Variants in KAZN observed in about 807,000 individuals in gnomAD.
KAZN encodes the protein kazrin, periplakin interacting protein, also known as kazrin.
KAZN carries 40 observed loss-of-function variants against 87.4 expected under a neutral mutation model. The observed-to-expected ratio is 0.46, with a 90% CI of 0.36 to 0.60. The LOEUF (loss-of-function observed/expected upper bound fraction) is 0.60. Ranked by LOEUF, KAZN falls within the 20% of genes least tolerant of loss-of-function variation. The probability of loss-of-function intolerance (pLI) is 0.00; values close to 1 mark genes in which losing one functional copy is unlikely to be tolerated. For missense variants in KAZN, 898 were observed against 1,073.9 expected, an observed-to-expected ratio of 0.84 and a Z score of 2.29; for synonymous variants, 466 against 458.3, an observed-to-expected ratio of 1.02 and a Z score of -0.22.
chr1:14,913,215 C>T (rs1313468267), intron 1 of KAZN, among the ~76,000 whole-genome samples: 1 of 152,146 alleles, frequency 6.6e-6, no homozygotes, highest in African/African-American at 2.4e-5. Flanking sequence ...CACCCAGCGG[C>T]TCTTGGGGTT....
At chr1:14,800,561 T>C (rs1045703471) in intron 1 of KAZN, among the ~76,000 whole-genome samples, 3 of 151,992 alleles carry the variant, frequency 2.0e-5, no homozygotes, top group Non-Finnish European at 4.4e-5. Context: ...AAAATTAGCT[T>C]GGTGTGGTGG....
chr1:14,739,926 A>G (rs554088497), intron 1 of KAZN, among the ~76,000 whole-genome samples: 2 of 152,298 alleles, frequency 1.3e-5, no homozygotes, highest in South Asian at 4.1e-4. Flanking sequence ...ATTCAGAGCA[A>G]TTCTTCAGTG....
chr1:14,371,773 A>T (rs1660502434), intron 2 of KAZN, among the ~76,000 whole-genome samples: 1 of 152,192 alleles, frequency 6.6e-6, no homozygotes, highest in South Asian at 2.1e-4. Context: ...CTTGCCCTCC[A>T]AAGAAACCAC....
chr1:13,920,418 G>A (rs1640020974), intron 1 of KAZN, among the ~76,000 whole-genome samples: 2 of 152,108 alleles, frequency 1.3e-5, no homozygotes, highest in Non-Finnish European at 2.9e-5. Context: ...GGGGTATCAG[G>A]TTTACTATTC....
intron 2 of KAZN, among the ~76,000 whole-genome samples, chr1:14,452,435 T>C (rs2148333540): frequency 6.6e-6 from 1 of 152,330 alleles, no homozygotes; most frequent in East Asian, 1.9e-4. Context: ...TTGGTTTTGC[T>C]TTTATCCAAG....
At chr1:14,217,783 T>TAGGCATCC (rs1418709165) in intron 2 of KAZN, among the ~76,000 whole-genome samples, 2 of 152,096 alleles carry the variant, frequency 1.3e-5, no homozygotes, top group African/African-American at 2.4e-5. Context: ...AACAAAAATT[T>TAGGCATCC]AGGCATCCAG....
At chr1:13,996,970 C>G (rs1304720957) in intron 1 of KAZN, among the ~76,000 whole-genome samples, 1 of 152,162 alleles carries the variant, frequency 6.6e-6, no homozygotes, top group Non-Finnish European at 1.5e-5. Flanking sequence ...CAGGTTGGTG[C>G]CCCTCGAGGT....
intron 2 of KAZN, among the ~76,000 whole-genome samples, chr1:14,412,596 A>G (rs1390954105): frequency 4.6e-5 from 7 of 152,166 alleles, no homozygotes; most frequent in Non-Finnish European, 1.0e-4. Flanking sequence ...ATGAAACTTT[A>G]TTAAAATACA....
intron 1 of KAZN, among the ~76,000 whole-genome samples, chr1:14,821,252 G>T (rs116584374): frequency 6.6e-6 from 1 of 152,046 alleles, no homozygotes; most frequent in African/African-American, 2.4e-5. Flanking sequence ...GGTAATTACC[G>T]CCTGTAATCC....
At chr1:13,986,322 G>C (rs552117390) in intron 1 of KAZN, among the ~76,000 whole-genome samples, 42 of 152,276 alleles carry the variant, frequency 2.8e-4, no homozygotes, top group African/African-American at 1.0e-3. Context: ...TTTTTGGTTT[G>C]ATGAGATTGG....
intron 1 of KAZN, among the ~76,000 whole-genome samples, chr1:14,007,771 C>T (rs893076485): frequency 1.1e-4 from 17 of 152,158 alleles, no homozygotes; most frequent in Non-Finnish European, 1.9e-4. Context: ...AAATAAAACA[C>T]GTGTTCTACT....
At chr1:14,815,177 G>T (rs1646525857) in intron 1 of KAZN, among the ~76,000 whole-genome samples, 1 of 152,162 alleles carries the variant, frequency 6.6e-6, no homozygotes, top group Non-Finnish European at 1.5e-5. Flanking sequence ...GGTCTATGTG[G>T]GTCACTGGGA....
Position 15,114,656 on chromosome 1 carries a change from A to G in KAZN, c.*21A>G. 3 of 1,564,150 alleles carry G rather than the reference A, an allele frequency of 1.9e-6. No individual in the cohort carries two copies. Among genetic ancestry groups the G allele is most frequent in the Non-Finnish European group, 2.6e-6 (3 of 1,153,934 alleles). ...TGTAAGGAACTGGTGGCTCCACCAGACCCAACGTGAGAGACCCAGGAAGGA... is the reference window on the plus strand; with the variant it reads ...TGTAAGGAACTGGTGGCTCCACCAGGCCCAACGTGAGAGACCCAGGAAGGA... On this transcript the variant is annotated 3_prime_UTR_variant, in exon 15 of 15. Coordinates refer to ENST00000376030, the MANE Select transcript of KAZN (RefSeq NM_201628.3).
intron 2 of KAZN, among the ~76,000 whole-genome samples, chr1:14,971,337 G>A (rs1665002984): frequency 6.6e-6 from 1 of 152,230 alleles, no homozygotes; most frequent in South Asian, 2.1e-4. Flanking sequence ...GGCAGAGGTT[G>A]CGGTGGGCTG....
chr1:14,781,626 G>A (rs992472897), intron 1 of KAZN, among the ~76,000 whole-genome samples: 18 of 152,210 alleles, frequency 1.2e-4, no homozygotes, highest in African/African-American at 4.3e-4. Flanking sequence ...AGGTTGCAAT[G>A]TTACTGACTT....
intron 1 of KAZN, among the ~76,000 whole-genome samples, chr1:14,804,765 TAA>T (rs2100756219): frequency 6.9e-6 from 1 of 144,368 alleles, no homozygotes; most frequent in South Asian, 2.3e-4. Context: ...GGCAGGATGC[TAA>T]GTTCTGAGTG....
chr1:14,033,188 A>G (rs747320354), intron 1 of KAZN, among the ~76,000 whole-genome samples: 4 of 152,212 alleles, frequency 2.6e-5, no homozygotes, highest in Non-Finnish European at 5.9e-5. Context: ...GGCAAAGCCA[A>G]AGGAGAAGCC....
Position 15,043,770 on chromosome 1 carries a change from G to C in KAZN, c.556-219G>C, listed in dbSNP as rs1320178366. ...CCATTCTCCTGCCTCAGCCTCCCGAGTAGCTGGGACTACAGGTGCCCGCCA... is the reference window on the plus strand; with the variant it reads ...CCATTCTCCTGCCTCAGCCTCCCGACTAGCTGGGACTACAGGTGCCCGCCA... On this transcript the variant is annotated intron_variant, in intron 3 of 14. Coordinates refer to ENST00000376030, the MANE Select transcript of KAZN (RefSeq NM_201628.3). 2.0e-4 allele frequency among the ~76,000 whole-genome samples: 31 copies of C among 151,348 alleles called. 1 individual carries two copies. Among genetic ancestry groups the C allele is most frequent in the Admixed American group, 2.0e-3 (31 of 15,140 alleles).
chr1:13,912,125 C>T (rs1161185207), intron 1 of KAZN, among the ~76,000 whole-genome samples: 1 of 152,140 alleles, frequency 6.6e-6, no homozygotes, highest in East Asian at 1.9e-4. Flanking sequence ...ACACAAAGAC[C>T]AGTGCTCACG....
Sources: gnomAD v4.1 joint callset for allele counts (sites outside exome capture counted in the v4.1 genomes callset) on GRCh38, gnomAD v4.1.1 for gene constraint, MANE v1.5 for transcripts, NCBI Gene and HGNC (gene_info 2026-07-23, HGNC 2026-07-21) for gene names.